The following EPHA5 variants were observed in gnomAD, a reference collection of about 807,000 sequenced individuals.
EPHA5 encodes EPH receptor A5, also known as ephrin type-A receptor 5.
EPHA5 carries 60 observed loss-of-function variants against 105.0 expected under a neutral mutation model. The observed-to-expected ratio is 0.57, with a 90% CI of 0.46 to 0.71. The LOEUF (loss-of-function observed/expected upper bound fraction) is 0.71, where lower values mean the gene tolerates loss of function less well. Among genes scored for constraint, EPHA5 ranks in the 30% least tolerant of loss-of-function variants. The pLI, the probability that EPHA5 is intolerant of heterozygous loss-of-function variation, is 0.00. For missense variants in EPHA5, 1,218 were observed against 1,274.7 expected (o/e 0.96, Z 0.68); for synonymous variants, 513 against 449.1 (o/e 1.14, Z -1.80).
chr4:65,600,100 TAA>T (rs1467193751), intron 3 of EPHA5, among the ~76,000 whole-genome samples: 1 of 152,130 alleles, frequency 6.6e-6, no homozygotes, highest in African/African-American at 2.4e-5. Context: ...AAATAATTAA[TAA>T]GATTTATATT....
chr4:65,643,524 A>G (rs1747849524), intron 1 of EPHA5, 97 bp from the exon 2 acceptor site: 2 of 978,026 alleles, frequency 2.0e-6, no homozygotes, highest in Non-Finnish European at 3.2e-6. Flanking sequence ...TGTTGTTTAC[A>G]TAACTGAAAT....
intron 2 of EPHA5, among the ~76,000 whole-genome samples, chr4:65,615,428 G>A (rs1239637883): frequency 6.6e-6 from 1 of 151,778 alleles, no homozygotes; most frequent in Non-Finnish European, 1.5e-5. Flanking sequence ...AGAGGAACAA[G>A]AATATGACAA....
chr4:65,426,753 T>A (rs1163349414), intron 5 of EPHA5, among the ~76,000 whole-genome samples: 1 of 152,198 alleles, frequency 6.6e-6, no homozygotes, highest in African/African-American at 2.4e-5. Flanking sequence ...ATCTGTAACC[T>A]CTTGCTCCAA....
chr4:65,440,940 T>C (rs1353430278), intron 5 of EPHA5, among the ~76,000 whole-genome samples: 6 of 152,108 alleles, frequency 3.9e-5, no homozygotes, highest in Admixed American at 1.3e-4. Context: ...AGGCTAAGAT[T>C]TCTGTCTGTA....
chr4:65,511,915 G>T (rs6844228), intron 3 of EPHA5, among the ~76,000 whole-genome samples: 66,330 of 152,058 alleles, frequency 0.44, 16,827 homozygotes, highest in East Asian at 0.62. Flanking sequence ...GTAAAAGAGA[G>T]GTGTCCTAGA....
intron 8 of EPHA5, among the ~76,000 whole-genome samples, chr4:65,368,212 C>T (rs1325550631): frequency 6.6e-6 from 1 of 152,144 alleles, no homozygotes; most frequent in Non-Finnish European, 1.5e-5. Context: ...TCCACGTGAA[C>T]CTCTCTGGTT....
At chr4:65,484,912 A>G (rs1730734513) in intron 5 of EPHA5, among the ~76,000 whole-genome samples, 1 of 152,082 alleles carries the variant, frequency 6.6e-6, no homozygotes, top group Non-Finnish European at 1.5e-5. Flanking sequence ...ATAGATAGAT[A>G]CATTTCATAA....
At position 65,601,719 on chromosome 4, in the gene EPHA5, C is replaced by G. The variant is rs749830045; in HGVS notation, c.832G>C (p.Ala278Pro). Reference sequence around the variant, plus strand: ...ATGGGCACCAGCCACTCCCCTTCGGCGCTGCAGTGCATTTTGGGAGGTTCA... The same window carrying G: ...ATGGGCACCAGCCACTCCCCTTCGGGGCTGCAGTGCATTTTGGGAGGTTCA... ...TDEPPKMHCS[A>P]EGEWLVPIGK... The change falls in exon 3 of 17, where the codon GCC (alanine) becomes CCC (proline). Residue 278 changes from alanine (A) to proline (P), a missense_variant. Ala to Pro is a conservative substitution (Grantham distance 27, BLOSUM62 -1). Transcript: ENST00000613740. 2.5e-6 allele frequency: 4 copies of G among 1,613,998 alleles called. No individual in the cohort carries two copies. Among genetic ancestry groups the G allele is most frequent in the African/African-American group, 1.3e-5 (1 of 74,898 alleles).
chr4:65,423,994 G>A (rs539254490), intron 5 of EPHA5, among the ~76,000 whole-genome samples: 37 of 151,684 alleles, frequency 2.4e-4, no homozygotes, highest in Non-Finnish European at 4.7e-4. Flanking sequence ...CTGATGTTGC[G>A]AACTCTAATT....
At position 65,658,756 on chromosome 4, in the gene EPHA5, C is replaced by T. The variant is rs185680828; in HGVS notation, c.181+10806G>A. 1.3e-3 allele frequency among the ~76,000 whole-genome samples: 201 copies of T among 152,102 alleles called. 1 individual carries two copies. Among genetic ancestry groups the T allele is most frequent in the East Asian group, 2.1e-3 (11 of 5,162 alleles). ...AGTAGTTGAGCCAGGTTCCTGAGCCCGTGTTTTTACAATTTTGCTATACCT... is the reference window on the plus strand; with the variant it reads ...AGTAGTTGAGCCAGGTTCCTGAGCCTGTGTTTTTACAATTTTGCTATACCT... On this transcript the variant is annotated intron_variant, in intron 1 of 16. Coordinates refer to ENST00000613740, the MANE Select transcript of EPHA5 (RefSeq NM_001281766.3).
chr4:65,410,305 A>G (rs1722794958), intron 7 of EPHA5, among the ~76,000 whole-genome samples: 1 of 152,230 alleles, frequency 6.6e-6, no homozygotes, highest in Non-Finnish European at 1.5e-5. Flanking sequence ...AAAAAAGCCA[A>G]TTCCAAATTA....
chr4:65,447,191 T>A (rs1726631149), intron 5 of EPHA5, among the ~76,000 whole-genome samples: 2 of 151,662 alleles, frequency 1.3e-5, no homozygotes, highest in Admixed American at 6.6e-5. Context: ...TTGAGAACAA[T>A]GGATTGCGGG....
intron 8 of EPHA5, among the ~76,000 whole-genome samples, chr4:65,375,244 G>A (rs1718878458): frequency 6.6e-6 from 1 of 151,652 alleles, no homozygotes; most frequent in Non-Finnish European, 1.5e-5. Flanking sequence ...AAGACTGGTA[G>A]CATTTTACTG....
At chr4:65,619,954 T>C (rs144054210) in intron 2 of EPHA5, among the ~76,000 whole-genome samples, 1,849 of 151,106 alleles carry the variant, frequency 0.012, 42 homozygotes, top group African/African-American at 0.042. Context: ...TCTCCTTTTT[T>C]CATCCCTATG....
intron 2 of EPHA5, among the ~76,000 whole-genome samples, chr4:65,620,108 G>GTATATATATATATATATATATATATA (rs34861369): frequency 1.0e-4 from 14 of 137,344 alleles, no homozygotes; most frequent in African/African-American, 3.2e-4. Flanking sequence ...TTGGACTCAG[G>GTATATATATATATATATATATATATA]TATATATATA....
intron 3 of EPHA5, among the ~76,000 whole-genome samples, chr4:65,538,829 T>C (rs1578371420): frequency 6.6e-6 from 1 of 151,670 alleles, no homozygotes; most frequent in African/African-American, 2.4e-5. Context: ...AAGCCACTGC[T>C]CTGGACTTCT....
chr4:65,381,928 A>G (rs1719602273), intron 8 of EPHA5, among the ~76,000 whole-genome samples: 1 of 151,842 alleles, frequency 6.6e-6, no homozygotes, highest in South Asian at 2.1e-4. Flanking sequence ...CAACATTAAA[A>G]TATCAACACC....
rs928833097 is a variant in EPHA5, at chr4:65,669,939, C to T, written c.-197G>A. 2.3e-5 allele frequency: 18 copies of T among 783,002 alleles called. No individual in the cohort carries two copies. The African/African-American group carries it at 2.7e-4, about 12-fold the overall frequency. 48.5% of individuals were successfully genotyped at this position (783,002 alleles called of 1,614,324 possible). A position where few individuals can be genotyped will look rare whatever the true frequency, so the allele number is the denominator to read the frequency against. ...TGAAGTTTGCTTCTGGCTCCTCTCG[C>T]CTCCCCCTTTGGTGGGGTTAAATGA... On this transcript the variant is annotated 5_prime_UTR_variant, in exon 1 of 17. Coordinates refer to ENST00000613740, the MANE Select transcript of EPHA5 (RefSeq NM_001281766.3).
intron 1 of EPHA5, among the ~76,000 whole-genome samples, chr4:65,651,614 AAAT>A (rs1748615614): frequency 6.6e-6 from 1 of 152,160 alleles, no homozygotes; most frequent in Non-Finnish European, 1.5e-5. Context: ...TGTTTACTGC[AAAT>A]AATGAGTGCC....
Sources: allele counts gnomAD v4.1 joint callset (sites outside exome capture counted in the v4.1 genomes callset), GRCh38; gene constraint gnomAD v4.1.1; transcripts MANE v1.5; gene names NCBI Gene and HGNC (gene_info 2026-07-23, HGNC 2026-07-21).